RAD51B: variants seen among roughly 807,000 people sequenced by gnomAD.
RAD51B encodes RAD51 paralog B.
Under a neutral mutation model 42.2 loss-of-function variants are expected in RAD51B, and 38 were observed. That is an observed-to-expected ratio of 0.90 (90% CI 0.70 to 1.18). The LOEUF (loss-of-function observed/expected upper bound fraction) is 1.18, where lower values mean the gene tolerates loss of function less well. Ranked by LOEUF, RAD51B falls within the 50% of genes most tolerant of loss-of-function variation. RAD51B has a pLI of 0.00. For synonymous variants in RAD51B, 154 were observed against 145.2 expected, an observed-to-expected ratio of 1.06 and a Z score of -0.43; for missense variants, 373 against 400.7, an observed-to-expected ratio of 0.93 and a Z score of 0.59.
chr14:67,982,285 T>G (rs1402735866), intron 7 of RAD51B, among the ~76,000 whole-genome samples: 4 of 152,190 alleles, frequency 2.6e-5, no homozygotes, highest in African/African-American at 9.7e-5. Flanking sequence ...AGCAAAATTA[T>G]ACTTCAATTT....
chr14:68,045,251 A>AG (rs2076282113), intron 7 of RAD51B, among the ~76,000 whole-genome samples: 1 of 150,688 alleles, frequency 6.6e-6, no homozygotes. Flanking sequence ...AAAAAAAAAA[A>AG]AAAAAAAAAA....
intron 9 of RAD51B, among the ~76,000 whole-genome samples, chr14:68,444,256 G>A (rs554503277): frequency 1.3e-5 from 2 of 152,220 alleles, no homozygotes; most frequent in South Asian, 2.1e-4. Flanking sequence ...CTTCTCCAAA[G>A]ATGACAAGCT....
chr14:67,823,485 T>C, intron 1 of RAD51B, 57 bp from the exon 2 acceptor site: 1 of 1,476,090 alleles, frequency 6.8e-7, no homozygotes, highest in Non-Finnish European at 9.4e-7. Flanking sequence ...TCACTATCAC[T>C]TATGTTATAT....
intron 8 of RAD51B, among the ~76,000 whole-genome samples, chr14:68,405,806 G>A (rs1261340343): frequency 3.8e-5 from 5 of 130,288 alleles, no homozygotes; most frequent in African/African-American, 8.9e-5. Flanking sequence ...CTTTAGACCC[G>A]AGAAACTCCT....
chr14:68,475,460 G>A (rs942938623), intron 10 of RAD51B, among the ~76,000 whole-genome samples: 15 of 152,090 alleles, frequency 9.9e-5, no homozygotes, highest in African/African-American at 3.6e-4. Flanking sequence ...GAAGAGAAAG[G>A]GTATCACTTC....
At chr14:68,626,072 T>A (rs1892074039) in intron 10 of RAD51B, among the ~76,000 whole-genome samples, 1 of 152,252 alleles carries the variant, frequency 6.6e-6, no homozygotes, top group African/African-American at 2.4e-5. Flanking sequence ...CCCGTATTTA[T>A]CCACTGGAAC....
chr14:68,210,584 A>G (rs1332465617), intron 7 of RAD51B, among the ~76,000 whole-genome samples: 1 of 152,186 alleles, frequency 6.6e-6, no homozygotes, highest in Non-Finnish European at 1.5e-5. Context: ...TGAATTCTGC[A>G]TGAGCTCTAG....
At chr14:68,057,867 C>A (rs2076503615) in intron 7 of RAD51B, among the ~76,000 whole-genome samples, 1 of 138,838 alleles carries the variant, frequency 7.2e-6, no homozygotes, top group Non-Finnish European at 1.5e-5. Flanking sequence ...GTTTGGTTGG[C>A]TTTTATTGAT....
At chr14:67,825,352 G>A in intron 2 of RAD51B, 112 bp from the exon 3 acceptor site, 1 of 632,246 alleles carries the variant, frequency 1.6e-6, no homozygotes, top group South Asian at 2.3e-5. Context: ...TCTTTGATCT[G>A]CGATAAATTA....
chr14:68,592,176 G>A (rs933894863), intron 10 of RAD51B, among the ~76,000 whole-genome samples: 3 of 152,094 alleles, frequency 2.0e-5, no homozygotes, highest in Non-Finnish European at 2.9e-5. Flanking sequence ...AGCTAGGGCT[G>A]ATGGGGAATG....
intron 7 of RAD51B, among the ~76,000 whole-genome samples, chr14:68,241,239 T>C (rs2080376939): frequency 6.6e-6 from 1 of 152,224 alleles, no homozygotes; most frequent in African/African-American, 2.4e-5. Context: ...GAAAAACCTG[T>C]TCTCTTTTTA....
intron 8 of RAD51B, among the ~76,000 whole-genome samples, chr14:68,369,576 A>G (rs972771656): frequency 1.3e-5 from 2 of 152,204 alleles, no homozygotes; most frequent in African/African-American, 4.8e-5. Flanking sequence ...ATTTTGGGGC[A>G]ACTCAGTCAG....
At chr14:68,077,534 T>C (rs1475497389) in intron 7 of RAD51B, among the ~76,000 whole-genome samples, 3 of 152,250 alleles carry the variant, frequency 2.0e-5, no homozygotes, top group African/African-American at 4.8e-5. Context: ...ACACATTTAA[T>C]GTTTGTGTAG....
At chr14:68,487,516 C>CT (rs576694966) in intron 10 of RAD51B, among the ~76,000 whole-genome samples, 181 of 143,850 alleles carry the variant, frequency 1.3e-3, no homozygotes, top group East Asian at 1.2e-3. Flanking sequence ...ACTTTTTTTT[C>CT]TTTTTTTTTT....
intron 7 of RAD51B, among the ~76,000 whole-genome samples, chr14:68,008,010 T>A (rs1321362442): frequency 1.3e-5 from 2 of 151,874 alleles, no homozygotes; most frequent in East Asian, 3.8e-4. Context: ...TGGGTGAGTA[T>A]GGGGTGAAAC....
At chr14:67,882,897 A>G (rs2042954550) in intron 5 of RAD51B, among the ~76,000 whole-genome samples, 2 of 152,136 alleles carry the variant, frequency 1.3e-5, no homozygotes, top group African/African-American at 2.4e-5. Flanking sequence ...GGCGCCCGTC[A>G]CCACACCTGG....
intron 11 of RAD51B, among the ~76,000 whole-genome samples, chr14:68,652,084 C>T (rs1481929539): frequency 6.6e-6 from 1 of 152,184 alleles, no homozygotes; most frequent in East Asian, 1.9e-4. Context: ...AGGGTTGAGG[C>T]CTCAGGCACA....
chr14:68,272,635 T>TTATATATATA (rs1196934518), intron 7 of RAD51B, among the ~76,000 whole-genome samples: 973 of 19,752 alleles, frequency 0.049, 74 homozygotes, highest in African/African-American at 0.056. Flanking sequence ...TATAAACACT[T>TTATATATATA]TATATATATA....
intron 7 of RAD51B, among the ~76,000 whole-genome samples, chr14:68,204,427 C>T (rs1177897728): frequency 1.3e-5 from 2 of 152,148 alleles, no homozygotes; most frequent in Non-Finnish European, 2.9e-5. Flanking sequence ...ACAAGAATAA[C>T]ATCAAAGATC....
Sources: allele counts gnomAD v4.1 joint callset (sites outside exome capture counted in the v4.1 genomes callset), GRCh38; gene constraint gnomAD v4.1.1; transcripts MANE v1.5; gene names NCBI Gene and HGNC (gene_info 2026-07-23, HGNC 2026-07-21).